The following ZNF253 variants were observed in gnomAD, a reference collection of about 807,000 sequenced individuals.
ZNF253 encodes the protein DNA-binding protein.
ZNF253 carries 8 observed loss-of-function variants against 11.9 expected under a neutral mutation model. The observed-to-expected ratio is 0.67, with a 90% CI of 0.40 to 1.22. The LOEUF is 1.22. Among genes scored for constraint, ZNF253 ranks in the 50% most tolerant of loss-of-function variants. The pLI, the probability that ZNF253 is intolerant of heterozygous loss-of-function variation, is 0.01. For synonymous variants in ZNF253, 194 were observed against 194.9 expected (o/e 1.00, Z 0.04); for missense variants, 485 against 586.9 (o/e 0.83, Z 1.79).
chr19:19,875,390 CTCTT>C (rs147837754), intron 1 of ZNF253, among the ~76,000 whole-genome samples: 17 of 150,738 alleles, frequency 1.1e-4, no homozygotes, highest in South Asian at 2.1e-4. Flanking sequence ...CTACATTAAA[CTCTT>C]TCTTTCTTTC....
At chr19:19,880,719 A>C (rs79519055) in intron 3 of ZNF253, among the ~76,000 whole-genome samples, 1 of 151,868 alleles carries the variant, frequency 6.6e-6, no homozygotes, top group Non-Finnish European at 1.5e-5. Context: ...AAAAAAAAAA[A>C]AGAGAGAATG....
At chr19:19,881,310 T>G (rs1198943650) in intron 3 of ZNF253, among the ~76,000 whole-genome samples, 1 of 152,052 alleles carries the variant, frequency 6.6e-6, no homozygotes, top group Non-Finnish European at 1.5e-5. Flanking sequence ...TTGTTTTAAG[T>G]GTATGAAACT....
intron 3 of ZNF253, among the ~76,000 whole-genome samples, chr19:19,890,704 G>A (rs2063225214): frequency 6.6e-6 from 1 of 151,898 alleles, no homozygotes; most frequent in Non-Finnish European, 1.5e-5. Context: ...TGTATTTTTA[G>A]TTGAGATGGG....
At chr19:19,877,671 G>A (rs1568496018) in intron 1 of ZNF253, among the ~76,000 whole-genome samples, 1 of 152,068 alleles carries the variant, frequency 6.6e-6, no homozygotes, top group Admixed American at 6.6e-5. Context: ...CACCATGCCT[G>A]GCCGATGCTG....
Position 19,891,752 on chromosome 19 carries a change from A to C in ZNF253, c.505A>C (p.Ile169Leu). 6.2e-7 allele frequency: 1 copy of C among 1,614,130 alleles called. No homozygotes were observed. The highest frequency in any genetic ancestry group is 8.5e-7 in the Non-Finnish European group (1 of 1,179,994). ...SNTYKTRHTG[I>L]NLFKCIICGK... ...CACATATAAGACAAGACATACTGGA[A>C]TAAATCTTTTCAAATGTATAATATG... Residue 169 changes from isoleucine to leucine, a missense_variant, in exon 4 of 4, where the codon ATA becomes CTA. Around this residue, in one of 3 missense-constraint regions of ZNF253, gnomAD observed 218 missense variants for 213.1 expected, o/e 1.02. Coordinates refer to ENST00000589717, the MANE Select transcript of ZNF253 (RefSeq NM_021047.3).
rs753464044 is a variant in ZNF253 at position 19,893,461 on chromosome 19, G to C, written c.*714G>C. The C allele has an allele frequency of 2.6e-5, 4 of 152,154 alleles. No homozygotes were observed. The highest frequency in any genetic ancestry group is 5.9e-5 in the Non-Finnish European group (4 of 68,038). 9.4% of individuals were successfully genotyped at this position (152,154 alleles called of 1,614,324 possible). A position where few individuals can be genotyped will look rare whatever the true frequency, so the allele number is the denominator to read the frequency against. On this transcript the variant is annotated 3_prime_UTR_variant, in exon 4 of 4. Coordinates refer to ENST00000589717, the MANE Select transcript of ZNF253 (RefSeq NM_021047.3). Reference sequence around the variant, plus strand: ...TATACTAGTGTAATACCCTAGAAATGTATAAAATGTGACAAAGCCTTTATA... The same window carrying C: ...TATACTAGTGTAATACCCTAGAAATCTATAAAATGTGACAAAGCCTTTATA...
chr19:19,887,769 A>ATT (rs3062903), intron 3 of ZNF253, among the ~76,000 whole-genome samples: 94 of 124,358 alleles, frequency 7.6e-4, no homozygotes, highest in African/African-American at 2.4e-3. Context: ...TTGATTTTTA[A>ATT]TTTTTTTTTT....
intron 1 of ZNF253, among the ~76,000 whole-genome samples, chr19:19,870,560 ATTTTATTATC>A (rs2063129984): frequency 6.6e-6 from 1 of 152,072 alleles, no homozygotes; most frequent in Non-Finnish European, 1.5e-5. Flanking sequence ...AGTAAACACA[ATTTTATTATC>A]TTTTATTTCA....
rs190683944 is a variant in ZNF253 at position 19,874,828 on chromosome 19, C to T, written c.4-3653C>T. 2.7e-3 allele frequency among the ~76,000 whole-genome samples: 406 copies of T among 152,080 alleles called. 1 individual carries two copies. The highest frequency in any genetic ancestry group is 9.5e-3 in the African/African-American group (394 of 41,480). ...TTGGGAGGCTGAGGCAGGAGAATGG[C>T]GTGAACCCGGGAGGCGGAGTTTGCA... On this transcript the variant is annotated intron_variant, in intron 1 of 3. Coordinates refer to ENST00000589717, the MANE Select transcript of ZNF253 (RefSeq NM_021047.3).
At chr19:19,866,080 C>T (rs1056545889) in intron 1 of ZNF253, 81 bp downstream of exon 1, 2 of 1,580,274 alleles carry the variant, frequency 1.3e-6, no homozygotes, top group African/African-American at 2.7e-5. Flanking sequence ...GACTCTGCTT[C>T]CTCACAGTCA....
At chr19:19,888,696 C>A (rs1020307234) in intron 3 of ZNF253, among the ~76,000 whole-genome samples, 1 of 150,930 alleles carries the variant, frequency 6.6e-6, no homozygotes, top group Non-Finnish European at 1.5e-5. Context: ...TCCTCTACTT[C>A]CATCTTTTGC....
intron 1 of ZNF253, among the ~76,000 whole-genome samples, chr19:19,874,588 T>G (rs564762913): frequency 7.3e-5 from 11 of 151,582 alleles, no homozygotes; most frequent in African/African-American, 2.7e-4. Context: ...TAGTATAAAG[T>G]TGACAGGGCG....
Position 19,891,806 on chromosome 19 carries a change from CT to C in ZNF253, c.561del (p.Thr188LeufsTer89). 1 of 1,614,154 alleles carries C rather than the reference CT, an allele frequency of 6.2e-7. No homozygotes were observed. Among genetic ancestry groups the C allele is most frequent in the South Asian group, 1.1e-5 (1 of 91,078 alleles). ...CGKAFKRSST[L>X]TTHKKIHTGE... Reference sequence around the variant, plus strand: ...CAAAGCTTTTAAACGGTCCTCAACCCTTACTACACATAAGAAAATTCATACT... The same window carrying C: ...CAAAGCTTTTAAACGGTCCTCAACCCTACTACACATAAGAAAATTCATACT... On this transcript the variant is annotated frameshift_variant, in exon 4 of 4. Transcript: ENST00000589717. LOFTEE classifies it low-confidence loss of function (END_TRUNC).
rs898849412 is a variant in ZNF253 at position 19,893,765 on chromosome 19, T to G, written c.*1018T>G. On this transcript the variant is annotated 3_prime_UTR_variant, in exon 4 of 4. Transcript: ENST00000589717. ...ATAGAAGTCTTTAAAGTGAAGAATA[T>G]TTATTCTGAAGACAGCCATTACAAA... The G allele has an allele frequency of 6.6e-6, 1 of 152,218 alleles. No individual in the cohort carries two copies. The highest frequency in any genetic ancestry group is 2.4e-5 in the African/African-American group (1 of 41,456). The allele number at this position is 152,218 out of a possible 1,614,324, so 9.4% of individuals were successfully genotyped here.
chr19:19,882,563 C>T (rs143587613), intron 3 of ZNF253, among the ~76,000 whole-genome samples: 23 of 152,164 alleles, frequency 1.5e-4, no homozygotes, highest in African/African-American at 5.5e-4. Flanking sequence ...TCACGGTGTC[C>T]GGCCTTAGTG....
chr19:19,875,222 T>C (rs887865079), intron 1 of ZNF253, among the ~76,000 whole-genome samples: 5 of 151,930 alleles, frequency 3.3e-5, no homozygotes, highest in African/African-American at 1.2e-4. Context: ...AAAAACAAAG[T>C]ATGTATTAGA....
intron 3 of ZNF253, among the ~76,000 whole-genome samples, chr19:19,889,689 C>T (rs1412471459): frequency 6.6e-6 from 1 of 152,126 alleles, no homozygotes; most frequent in African/African-American, 2.4e-5. Flanking sequence ...GTTGCCCAGC[C>T]TGGCCAGCAG....
intron 1 of ZNF253, among the ~76,000 whole-genome samples, chr19:19,868,896 T>C (rs1334493990): frequency 6.6e-6 from 1 of 152,194 alleles, no homozygotes; most frequent in Non-Finnish European, 1.5e-5. Context: ...ATTTAGGTTA[T>C]ATGTAGATGC....
At position 19,887,798 on chromosome 19, in the gene ZNF253, A is replaced by G. The variant is rs1175299103; in HGVS notation, c.227-3676A>G. On this transcript the variant is annotated intron_variant, in intron 3 of 3. Coordinates refer to ENST00000589717, the MANE Select transcript of ZNF253 (RefSeq NM_021047.3). ...TTTTTTTTTTTTTTTTTTTAGAAGA[A>G]GTCTCACTCTGCCACTCAGACTGCA... 8.4e-5 allele frequency among the ~76,000 whole-genome samples: 12 copies of G among 142,212 alleles called. 1 individual carries two copies. Among genetic ancestry groups the G allele is most frequent in the Non-Finnish European group, 7.5e-5 (5 of 66,266 alleles). The allele number at this position is 142,212 out of a possible 152,430, so 93.3% of individuals were successfully genotyped here.
Sources: gnomAD v4.1 joint callset for allele counts (sites outside exome capture counted in the v4.1 genomes callset) on GRCh38, gnomAD v4.1.1 for gene constraint, gnomAD v4.1.1 regional missense constraint, MANE v1.5 for transcripts, NCBI Gene and HGNC (gene_info 2026-07-23, HGNC 2026-07-21) for gene names.